The following GLI3 variants were observed in gnomAD, a reference collection of about 807,000 sequenced individuals.
GLI3 encodes transcription activator GLI3.
GLI3 carries 20 observed loss-of-function variants against 100.8 expected under a neutral mutation model. The ratio of observed to expected loss-of-function variants is 0.20; its 90% CI spans 0.14 to 0.29. The LOEUF (loss-of-function observed/expected upper bound fraction) is 0.29. Among genes scored for constraint, GLI3 ranks in the 10% least tolerant of loss-of-function variants. The pLI is 1.00. For synonymous variants in GLI3, 938 were observed against 860.5 expected (o/e 1.09, Z -1.58); for missense variants, 2,040 against 2,128.5 (o/e 0.96, Z 0.82).
chr7:42,103,371 T>A (rs562423510), intron 3 of GLI3, among the ~76,000 whole-genome samples: 1 of 152,098 alleles, frequency 6.6e-6, no homozygotes, highest in Non-Finnish European at 1.5e-5. Context: ...TGTACACATG[T>A]CCTTAAACCC....
chr7:42,237,768 G>C (rs1012016986), upstream of GLI3: 1 of 152,164 alleles, frequency 6.6e-6, no homozygotes, highest in Non-Finnish European at 1.5e-5. Context: ...AAAACTTGGA[G>C]TGCTGCTCGC....
At chr7:42,180,322 T>C (rs1357381563) in intron 2 of GLI3, among the ~76,000 whole-genome samples, 1 of 152,106 alleles carries the variant, frequency 6.6e-6, no homozygotes, top group Non-Finnish European at 1.5e-5. Context: ...GTGGAACAAG[T>C]GACTGGGGCA....
At chr7:42,053,925 C>T (rs1399904630) in intron 4 of GLI3, among the ~76,000 whole-genome samples, 7 of 152,166 alleles carry the variant, frequency 4.6e-5, no homozygotes, top group Non-Finnish European at 1.0e-4. Flanking sequence ...GTTGTTGGGA[C>T]TACAGGGCAC....
At chr7:42,020,471 G>C (rs1188887209) in intron 10 of GLI3, among the ~76,000 whole-genome samples, 1 of 152,108 alleles carries the variant, frequency 6.6e-6, no homozygotes, top group East Asian at 1.9e-4. Context: ...TCAGACACTA[G>C]ATAGACAACC....
rs554361485 is a variant in GLI3 at position 42,172,562 on chromosome 7, C to T, written c.125-24094G>A. On this transcript the variant is annotated intron_variant, in intron 2 of 14. Transcript: ENST00000395925. The stretch of plus-strand genomic sequence containing the variant: ...TTTGTACGCATTCTTTGGAGCTTCC[C>T]CCTTTCAAGGTAGCCCATCCAAGAG... The T allele has an allele frequency of 5.7e-6, 4 of 703,014 alleles. No individual in the cohort carries two copies. The African/African-American group carries it at 7.0e-5, about 12-fold the overall frequency. 43.5% of individuals were successfully genotyped at this position (703,014 alleles called of 1,614,324 possible).
chr7:42,001,319 A>G (rs1262384576), intron 10 of GLI3, among the ~76,000 whole-genome samples: 2 of 152,072 alleles, frequency 1.3e-5, no homozygotes, highest in Non-Finnish European at 2.9e-5. Flanking sequence ...ACAAGTTAAC[A>G]TAATTTTGCC....
chr7:41,980,175 A>G (rs1323823022), intron 10 of GLI3, among the ~76,000 whole-genome samples: 1 of 152,198 alleles, frequency 6.6e-6, no homozygotes, highest in Non-Finnish European at 1.5e-5. Context: ...TCCCGTCAGT[A>G]GCTCCAAAAA....
chr7:42,158,417 T>C (rs1448132565), intron 2 of GLI3, among the ~76,000 whole-genome samples: 2 of 152,172 alleles, frequency 1.3e-5, no homozygotes, highest in Non-Finnish European at 2.9e-5. Context: ...TATTAACCCC[T>C]AAAATGTGGC....
Position 42,054,953 on chromosome 7 carries a change from C to T in GLI3, c.474-6257G>A, listed in dbSNP as rs111303049. On this transcript the variant is annotated intron_variant, in intron 4 of 14. Coordinates refer to ENST00000395925, the MANE Select transcript of GLI3 (RefSeq NM_000168.6). ...GAGGCTGCAGTGGGCCATGAGTGCACCACTGCACTCCAGCCTGGGCAAGAG... is the reference window on the plus strand; with the variant it reads ...GAGGCTGCAGTGGGCCATGAGTGCATCACTGCACTCCAGCCTGGGCAAGAG... Among the ~76,000 whole-genome samples the T allele has an allele frequency of 3.7e-3, 566 of 151,610 alleles. 8 individuals are homozygous for T. Among genetic ancestry groups the T allele is most frequent in the African/African-American group, 0.012 (515 of 41,294 alleles).
chr7:42,118,701 G>A (rs564906031), intron 3 of GLI3, among the ~76,000 whole-genome samples: 1 of 152,242 alleles, frequency 6.6e-6, no homozygotes, highest in Admixed American at 6.5e-5. Context: ...CACCACTTCC[G>A]CTGCAGCCAG....
At chr7:42,032,389 AC>A (rs1789319630) in intron 7 of GLI3, among the ~76,000 whole-genome samples, 2 of 152,194 alleles carry the variant, frequency 1.3e-5, no homozygotes, top group Non-Finnish European at 2.9e-5. Flanking sequence ...TTGTACAGAA[AC>A]CCTTGTGATC....
chr7:42,090,508 A>G (rs1232151336), intron 3 of GLI3, among the ~76,000 whole-genome samples: 1 of 152,198 alleles, frequency 6.6e-6, no homozygotes, highest in Non-Finnish European at 1.5e-5. Context: ...CTTCCTCAAC[A>G]TAAACACCCA....
intron 2 of GLI3, among the ~76,000 whole-genome samples, chr7:42,190,078 A>AATATT (rs577380786): frequency 6.1e-4 from 93 of 151,856 alleles, no homozygotes; most frequent in East Asian, 3.1e-3. Flanking sequence ...ATTTGCAAAT[A>AATATT]ATATTACCAA....
chr7:42,060,430 G>T (rs547736474), intron 4 of GLI3, among the ~76,000 whole-genome samples: 1 of 152,180 alleles, frequency 6.6e-6, no homozygotes, highest in East Asian at 1.9e-4. Context: ...TAGTTAAGAT[G>T]ATGGATTTTT....
intron 1 of GLI3, among the ~76,000 whole-genome samples, chr7:42,250,499 G>A (rs1789019849): frequency 6.6e-6 from 1 of 152,184 alleles, no homozygotes; most frequent in African/African-American, 2.4e-5. Flanking sequence ...ACCAAGCTGA[G>A]ATGTGTGGCC....
At chr7:41,988,765 C>A (rs999895131) in intron 10 of GLI3, among the ~76,000 whole-genome samples, 1 of 152,194 alleles carries the variant, frequency 6.6e-6, no homozygotes, top group African/African-American at 2.4e-5. Flanking sequence ...CTAAGACAGG[C>A]CCCTAATTCC....
intron 12 of GLI3, among the ~76,000 whole-genome samples, chr7:41,973,642 C>T (rs570619771): frequency 1.3e-5 from 2 of 152,096 alleles, no homozygotes; most frequent in Non-Finnish European, 2.9e-5. Flanking sequence ...TGAGCTTTTA[C>T]GTAAGCAAGC....
chr7:42,048,115 A>G (rs1486309982), intron 5 of GLI3, among the ~76,000 whole-genome samples: 1 of 152,204 alleles, frequency 6.6e-6, no homozygotes, highest in Non-Finnish European at 1.5e-5. Context: ...TTACACATGC[A>G]CGTGTGTGAA....
At chr7:42,015,984 G>A (rs1219856451) in intron 10 of GLI3, among the ~76,000 whole-genome samples, 1 of 152,008 alleles carries the variant, frequency 6.6e-6, no homozygotes, top group Non-Finnish European at 1.5e-5. Context: ...AGGGACATCT[G>A]ACAATGTCTG....
Sources: gnomAD v4.1 joint callset for allele counts (sites outside exome capture counted in the v4.1 genomes callset) on GRCh38, gnomAD v4.1.1 for gene constraint, MANE v1.5 for transcripts, NCBI Gene and HGNC (gene_info 2026-07-23, HGNC 2026-07-21) for gene names.